SLC6A17: variants seen among roughly 807,000 people sequenced by gnomAD.
SLC6A17 encodes the protein solute carrier family 6 member 17.
A neutral mutation model predicts 64.5 loss-of-function variants in SLC6A17; 21 were observed. The observed-to-expected ratio is 0.33, with a 90% CI of 0.23 to 0.47. The LOEUF is 0.47. Ranked by LOEUF, SLC6A17 falls within the 20% of genes least tolerant of loss-of-function variation. The pLI is 1.00. For synonymous variants in SLC6A17, 372 were observed against 399.5 expected (o/e 0.93, Z 0.82); for missense variants, 682 against 963.2 (o/e 0.71, Z 3.86).
At chr1:110,173,893 G>GA in intron 3 of SLC6A17, 80 bp from the exon 4 acceptor site, 38 of 1,557,956 alleles carry the variant, frequency 2.4e-5, no homozygotes, top group Admixed American at 1.7e-4. Context: ...CGCTGCCGAC[G>GA]TGCTGGGCCT....
intron 6 of SLC6A17, 71 bp from the exon 7 acceptor site, chr1:110,191,901 G>A: frequency 6.4e-7 from 1 of 1,557,742 alleles, no homozygotes; most frequent in Non-Finnish European, 8.7e-7. Flanking sequence ...CTGAGAAAGG[G>A]GGTGTGCACA....
At chr1:110,177,396 A>G (rs1160631038) in intron 6 of SLC6A17, among the ~76,000 whole-genome samples, 1 of 152,222 alleles carries the variant, frequency 6.6e-6, no homozygotes, top group Non-Finnish European at 1.5e-5. Flanking sequence ...GGTGCAGCAG[A>G]GGCACGGGCA....
intron 1 of SLC6A17, among the ~76,000 whole-genome samples, chr1:110,162,584 G>T (rs1416708301): frequency 1.3e-5 from 2 of 152,170 alleles, no homozygotes; most frequent in Non-Finnish European, 2.9e-5. Flanking sequence ...GCCCCTCTCA[G>T]GGTCCTTCTC....
At chr1:110,173,912 G>GATCT in intron 3 of SLC6A17, 61 bp from the exon 4 acceptor site, 39 of 1,528,722 alleles carry the variant, frequency 2.6e-5, no homozygotes, top group Admixed American at 1.5e-4. Flanking sequence ...CTCGGGTGGA[G>GATCT]CGTGGGGGCA....
chr1:110,195,878 TG>T, intron 10 of SLC6A17, 133 bp downstream of exon 10: 1 of 1,323,356 alleles, frequency 7.6e-7, no homozygotes, highest in Non-Finnish European at 1.0e-6. Context: ...GAAACTGAGG[TG>T]TAGTGCAAGG....
intron 6 of SLC6A17, among the ~76,000 whole-genome samples, chr1:110,191,247 T>C: frequency 6.6e-6 from 1 of 152,204 alleles, no homozygotes; most frequent in East Asian, 1.9e-4. Context: ...AGCTCTGTGC[T>C]GGGTCCAAGG....
At chr1:110,182,807 T>A (rs1299813633) in intron 6 of SLC6A17, among the ~76,000 whole-genome samples, 1 of 151,976 alleles carries the variant, frequency 6.6e-6, no homozygotes, top group Non-Finnish European at 1.5e-5. Flanking sequence ...AAGGGCTACT[T>A]GGGTGGAGTG....
chr1:110,153,103 C>T (rs1362317572), intron 1 of SLC6A17, among the ~76,000 whole-genome samples: 1 of 152,084 alleles, frequency 6.6e-6, no homozygotes, highest in Non-Finnish European at 1.5e-5. Context: ...CTGCCCTTGG[C>T]CACCTGCAAC....
At chr1:110,173,828 G>C in intron 3 of SLC6A17, 145 bp from the exon 4 acceptor site, 1 of 1,178,208 alleles carries the variant, frequency 8.5e-7, no homozygotes, top group Non-Finnish European at 1.1e-6. Flanking sequence ...GCTCCTCCAC[G>C]GCCCGCACCC....
rs78753268 is a variant in SLC6A17 at position 110,160,564 on chromosome 1, A to G, written c.-87-6279A>G. On this transcript the variant is annotated intron_variant, in intron 1 of 11. Coordinates refer to ENST00000331565, the MANE Select transcript of SLC6A17 (RefSeq NM_001010898.4). ...CAGAAAAGGGATCAGGCGTAACGAC[A>G]ACTAGTTGTACCAGACAGCCAAATA... is the stretch of plus-strand genomic sequence containing the variant. Among the ~76,000 whole-genome samples the G allele has an allele frequency of 5.2e-5, 8 of 152,388 alleles. No homozygotes were observed. In the East Asian group the frequency reaches 1.5e-3, roughly 29 times the overall value.
At chr1:110,164,684 T>C (rs973829664) in intron 1 of SLC6A17, among the ~76,000 whole-genome samples, 23 of 152,200 alleles carry the variant, frequency 1.5e-4, no homozygotes, top group African/African-American at 5.3e-4. Context: ...GCTGATGCCC[T>C]GTGGTTGCTG....
rs775685697 is a variant in SLC6A17 at position 110,167,263 on chromosome 1, G to C, written c.286+48G>C. On this transcript the variant is annotated intron_variant, in intron 2 of 11. Transcript: ENST00000331565. ...TCAGGGGTCCCCTGCAAATAGGCCG[G>C]GGATGAGGGGTAAAAAAGAACACCC... The C allele has an allele frequency of 3.8e-6, 6 of 1,566,434 alleles. No individual in the cohort carries two copies. In the African/African-American group the frequency reaches 8.2e-5, roughly 21 times the overall value.
At chr1:110,183,970 A>C (rs1234009610) in intron 6 of SLC6A17, among the ~76,000 whole-genome samples, 1 of 151,190 alleles carries the variant, frequency 6.6e-6, no homozygotes, top group East Asian at 1.9e-4. Flanking sequence ...GCTAGGGGTC[A>C]GGAGTGTGCA....
chr1:110,173,917 G>T, intron 3 of SLC6A17, 56 bp from the exon 4 acceptor site: 1 of 1,593,076 alleles, frequency 6.3e-7, no homozygotes. Context: ...GTGGAGCGTG[G>T]GGGCAGGGTG....
chr1:110,198,378 C>A lies in SLC6A17; in HGVS notation c.2118C>A (p.Ser706Arg), dbSNP rs144843569. 1.1e-5 allele frequency: 18 copies of A among 1,613,956 alleles called. No individual in the cohort carries two copies. Among genetic ancestry groups the A allele is most frequent in the African/African-American group, 8.0e-5 (6 of 74,942 alleles). Residue 706 changes from serine (S) to arginine (R), a missense_variant, in exon 12 of 12, where the codon AGC (serine) becomes AGA (arginine). Coordinates refer to ENST00000331565, the MANE Select transcript of SLC6A17 (RefSeq NM_001010898.4). ...GCAGCACATCACCCCTGGAGACCAG[C>A]GGTAACCCCAATGGACGCTATGGGA... ...GPGSTSPLET[S>R]GNPNGRYGSG...
Position 110,174,869 on chromosome 1 carries a change from G to C in SLC6A17, c.662G>C (p.Gly221Ala). The change falls in exon 5 of 12, where the codon GGG (glycine) becomes GCG (alanine). Residue 221 changes from glycine (G) to alanine (A), a missense_variant. By Grantham distance (60) the Gly-to-Ala change is moderately conservative. Around this residue, in one of 3 missense-constraint regions of SLC6A17, gnomAD observed 415 missense variants for 603.8 expected, o/e 0.69. Coordinates refer to ENST00000331565, the MANE Select transcript of SLC6A17 (RefSeq NM_001010898.4). ...ATCTCTGACTCCATCTCGGAGAGTG[G>C]GGGCCTCAACTGGAAGATGACCCTG... is the stretch of plus-strand genomic sequence containing the variant. ...LDISDSISES[G>A]GLNWKMTLCL... The C allele has an allele frequency of 6.2e-7, 1 of 1,614,212 alleles. No individual in the cohort carries two copies. Among genetic ancestry groups the C allele is most frequent in the Non-Finnish European group, 8.5e-7 (1 of 1,180,034 alleles).
At chr1:110,174,662 C>A in intron 4 of SLC6A17, 117 bp from the exon 5 acceptor site, 2 of 1,297,518 alleles carry the variant, frequency 1.5e-6, no homozygotes, top group East Asian at 2.4e-5. Context: ...CAGCCCCTCC[C>A]AGCTGCCCAC....
intron 1 of SLC6A17, among the ~76,000 whole-genome samples, chr1:110,166,605 G>T (rs947653547): frequency 6.6e-6 from 1 of 152,174 alleles, no homozygotes; most frequent in African/African-American, 2.4e-5. Context: ...TGCCTATTTT[G>T]CCCCTTTAGG....
At position 110,150,540 on chromosome 1, in the gene SLC6A17, C is replaced by T. The variant is rs1162452708; in HGVS notation, c.-431C>T. Reference sequence around the variant, plus strand: ...GTGCGCGCAGCGCTCCGCCCAGCTCCGTTCTGCTCCGCAGAGCCGGCGCTG... The same window carrying T: ...GTGCGCGCAGCGCTCCGCCCAGCTCTGTTCTGCTCCGCAGAGCCGGCGCTG... On this transcript the variant is annotated 5_prime_UTR_variant, in exon 1 of 12. Coordinates refer to ENST00000331565, the MANE Select transcript of SLC6A17 (RefSeq NM_001010898.4). 2 of 152,424 alleles carry T rather than the reference C, an allele frequency of 1.3e-5. No individual in the cohort carries two copies. Among genetic ancestry groups the T allele is most frequent in the South Asian group, 2.1e-4 (1 of 4,834 alleles). 9.4% of individuals were successfully genotyped at this position (152,424 alleles called of 1,614,324 possible).
Sources: gnomAD v4.1 joint callset for allele counts (sites outside exome capture counted in the v4.1 genomes callset) on GRCh38, gnomAD v4.1.1 for gene constraint, gnomAD v4.1.1 regional missense constraint, MANE v1.5 for transcripts, NCBI Gene and HGNC (gene_info 2026-07-23, HGNC 2026-07-21) for gene names.